Variants in ICOS observed in about 807,000 individuals in gnomAD.
ICOS encodes the protein inducible T cell costimulator.
In ICOS, 15 loss-of-function variants were observed where a neutral mutation model predicts 24.6. The ratio of observed to expected loss-of-function variants is 0.61; its 90% CI spans 0.41 to 0.94. ICOS has a LOEUF of 0.94. Ranked by LOEUF, ICOS falls within the 40% of genes least tolerant of loss-of-function variation. ICOS has a pLI of 0.00. For synonymous variants in ICOS, 89 were observed against 77.5 expected (o/e 1.15, Z -0.78); for missense variants, 200 against 233.0 (o/e 0.86, Z 0.92).
chr2:203,951,412 A>G (rs953808150), intron 1 of ICOS, among the ~76,000 whole-genome samples: 2 of 152,176 alleles, frequency 1.3e-5, no homozygotes, highest in Admixed American at 6.5e-5. Context: ...TAACATTAAG[A>G]TGTTTTTGTT....
chr2:203,956,034 C>T (rs1690073575), intron 2 of ICOS, 63 bp downstream of exon 2: 1 of 1,101,010 alleles, frequency 9.1e-7, no homozygotes, highest in South Asian at 1.4e-5. Flanking sequence ...ACTTTTCTCA[C>T]TAATAAAATC....
chr2:203,959,477 TGCAC>T, intron 4 of ICOS, 105 bp from the exon 5 acceptor site: 5 of 819,916 alleles, frequency 6.1e-6, no homozygotes, highest in Non-Finnish European at 8.6e-6. Context: ...TGTGTGTGTG[TGCAC>T]GTGTGTGTTT....
rs780326986 is a variant in ICOS at position 203,957,809 on chromosome 2, C to A, written c.512C>A (p.Ser171Tyr). The A allele has an allele frequency of 5.8e-5, 93 of 1,611,880 alleles. No individual in the cohort carries two copies. The highest frequency in any genetic ancestry group is 7.2e-5 in the Non-Finnish European group (85 of 1,178,210). Residue 171 changes from serine (S) to tyrosine (Y), a missense_variant, in exon 4 of 5, where the codon TCC becomes TAC. Transcript: ENST00000316386. ...GGCTTTTTCTTTCAGAAGTATTCATCCAGTGTGCACGACCCTAACGGTGAA... is the reference window on the plus strand; with the variant it reads ...GGCTTTTTCTTTCAGAAGTATTCATACAGTGTGCACGACCCTAACGGTGAA... The part of the protein sequence containing the change: ...ICWLTKKKYS[S>Y]SVHDPNGEYM...
chr2:203,953,196 T>C (rs1427930935), intron 1 of ICOS, among the ~76,000 whole-genome samples: 1 of 152,170 alleles, frequency 6.6e-6, no homozygotes, highest in East Asian at 1.9e-4. Context: ...TTCTGCTAGA[T>C]CACTCACTCT....
chr2:203,946,429 T>C (rs867759907), intron 1 of ICOS, among the ~76,000 whole-genome samples: 1 of 137,468 alleles, frequency 7.3e-6, no homozygotes, highest in Non-Finnish European at 1.5e-5. Flanking sequence ...TTTTGCTTTC[T>C]TTTTTTTTTC....
chr2:203,943,680 T>C (rs892341876), intron 1 of ICOS, among the ~76,000 whole-genome samples: 2 of 152,132 alleles, frequency 1.3e-5, no homozygotes, highest in Non-Finnish European at 2.9e-5. Flanking sequence ...TGTAATAGTA[T>C]AGAGAGGGTC....
Position 203,955,685 on chromosome 2 carries a change from A to T in ICOS, c.108A>T (p.Gly36=). The change falls in exon 2 of 5, where the codon GGA becomes GGT. Residue 36 remains glycine (G), a synonymous_variant. Transcript: ENST00000316386. ...ANYEMFIFHN[G]GVQILCKYPD... ...ATGAGATGTTTATATTTCACAACGG[A>T]GGTGTACAAATTTTATGCAAATATC... 1 of 1,613,618 alleles carries T rather than the reference A, an allele frequency of 6.2e-7. No individual in the cohort carries two copies. The highest frequency in any genetic ancestry group is 8.5e-7 in the Non-Finnish European group (1 of 1,179,618).
chr2:203,952,938 A>G (rs1055945490), intron 1 of ICOS, among the ~76,000 whole-genome samples: 5 of 152,088 alleles, frequency 3.3e-5, no homozygotes, highest in African/African-American at 1.2e-4. Flanking sequence ...TATTATTTGT[A>G]TGAAATTTTT....
Position 203,955,909 on chromosome 2 carries a change from T to C in ICOS, c.332T>C (p.Leu111Pro). 1 of 1,613,204 alleles carries C rather than the reference T, an allele frequency of 6.2e-7. No individual in the cohort carries two copies. The highest frequency in any genetic ancestry group is 8.5e-7 in the Non-Finnish European group (1 of 1,179,306). ...CATGCCAACTATTACTTCTGCAACC[T>C]ATCAATTTTTGATCCTCCTCCTTTT... Reference protein sequence around the residue: ...HSHANYYFCNLSIFDPPPFKV... With the variant: ...HSHANYYFCNPSIFDPPPFKV... The change falls in exon 2 of 5, where the codon CTA (leucine) becomes CCA (proline). Residue 111 changes from leucine to proline, a missense_variant. Physicochemically the swap from Leu to Pro is moderately conservative, Grantham distance 98. Coordinates refer to ENST00000316386, the MANE Select transcript of ICOS (RefSeq NM_012092.4).
At chr2:203,959,448 G>C (rs1429014926) in intron 4 of ICOS, 138 bp from the exon 5 acceptor site, 5 of 727,470 alleles carry the variant, frequency 6.9e-6, no homozygotes, top group Non-Finnish European at 1.2e-5. Context: ...TGCATGGTGT[G>C]TGTGTGAGTG....
At chr2:203,942,009 T>G (rs965288772) in intron 1 of ICOS, among the ~76,000 whole-genome samples, 1 of 152,216 alleles carries the variant, frequency 6.6e-6, no homozygotes, top group South Asian at 2.1e-4. Flanking sequence ...AAGAAACACG[T>G]TGTCCCCAAA....
chr2:203,956,805 T>C, intron 3 of ICOS, 40 bp downstream of exon 3: 1 of 1,264,652 alleles, frequency 7.9e-7, no homozygotes, highest in Non-Finnish European at 1.2e-6. Context: ...GCTTTACAGA[T>C]GCACATCAGT....
rs765158675 is a variant in ICOS, at chr2:203,936,856, C to A, written c.42C>A (p.Arg14=). The change falls in exon 1 of 5, where the codon CGC becomes CGA. Residue 14 remains arginine, a synonymous_variant. Transcript: ENST00000316386. ...GLWYFFLFCL[R]IKVLTGEING... ...GGTATTTCTTTCTCTTCTGCTTGCG[C>A]ATTAAAGTTTTAACAGGTAAGTGGT... is the stretch of plus-strand genomic sequence containing the variant. 3.4e-5 allele frequency: 55 copies of A among 1,610,294 alleles called. No individual in the cohort carries two copies. Among genetic ancestry groups the A allele is most frequent in the South Asian group, 9.9e-5 (9 of 91,020 alleles).
chr2:203,936,992 AG>A, intron 1 of ICOS, 120 bp downstream of exon 1: 1 of 738,028 alleles, frequency 1.4e-6, no homozygotes, highest in Non-Finnish European at 2.4e-6. Context: ...AAGTAGGAAT[AG>A]TTTCAGGATA....
intron 4 of ICOS, among the ~76,000 whole-genome samples, chr2:203,958,817 A>G (rs1420445813): frequency 1.3e-5 from 2 of 152,126 alleles, no homozygotes. Flanking sequence ...ATGTTTCATT[A>G]CTTTGCTGTT....
rs1389280092 is a variant in ICOS, at chr2:203,936,810, C to T, written c.-5C>T. ...CGCGAGGACTGTTAACTGTTTCTGG[C>T]AAACATGAAGTCAGGCCTCTGGTAT... On this transcript the variant is annotated 5_prime_UTR_variant, in exon 1 of 5. Coordinates refer to ENST00000316386, the MANE Select transcript of ICOS (RefSeq NM_012092.4). 2 of 1,612,064 alleles carry T rather than the reference C, an allele frequency of 1.2e-6. No homozygotes were observed. Among genetic ancestry groups the T allele is most frequent in the Non-Finnish European group, 1.7e-6 (2 of 1,178,248 alleles).
intron 3 of ICOS, 31 bp downstream of exon 3, chr2:203,956,796 C>T: frequency 7.6e-7 from 1 of 1,314,702 alleles, no homozygotes; most frequent in Non-Finnish European, 1.1e-6. Flanking sequence ...CTTGTATCTG[C>T]TTTACAGATG....
intron 3 of ICOS, 119 bp from the exon 4 acceptor site, chr2:203,957,680 C>A: frequency 1.3e-6 from 1 of 772,970 alleles, no homozygotes; most frequent in Non-Finnish European, 2.3e-6. Flanking sequence ...AGCCAGGAAC[C>A]TAAGTCACAT....
At position 203,957,803 on chromosome 2, in the gene ICOS, A is replaced by T; in HGVS notation, c.506A>T (p.Tyr169Phe). ...ILICWLTKKK[Y>F]SSSVHDPNGE... ...GTTTCTGGCTTTTTCTTTCAGAAGT[A>T]TTCATCCAGTGTGCACGACCCTAAC... The change falls in exon 4 of 5, where the codon TAT (tyrosine) becomes TTT (phenylalanine). Residue 169 changes from tyrosine to phenylalanine, a missense_variant. Physicochemically the swap from Tyr to Phe is conservative, Grantham distance 22. Transcript: ENST00000316386. The T allele has an allele frequency of 6.2e-7, 1 of 1,611,540 alleles. No homozygotes were observed. The highest frequency in any genetic ancestry group is 8.5e-7 in the Non-Finnish European group (1 of 1,177,700).
Sources: gnomAD v4.1 joint callset for allele counts (sites outside exome capture counted in the v4.1 genomes callset) on GRCh38, gnomAD v4.1.1 for gene constraint, MANE v1.5 for transcripts, NCBI Gene and HGNC (gene_info 2026-07-23, HGNC 2026-07-21) for gene names.